TRPC3: variants seen among roughly 807,000 people sequenced by gnomAD.
TRPC3 encodes the protein short transient receptor potential channel 3.
Under a neutral mutation model 90.9 loss-of-function variants are expected in TRPC3, and 54 were observed. The ratio of observed to expected loss-of-function variants is 0.59; its 90% CI spans 0.48 to 0.75. The LOEUF is 0.75. Ranked by LOEUF, TRPC3 falls within the 30% of genes least tolerant of loss-of-function variation. TRPC3 has a pLI of 0.00. For missense variants in TRPC3, 918 were observed against 1,194.5 expected (o/e 0.77, Z 3.41); for synonymous variants, 424 against 450.9 (o/e 0.94, Z 0.75).
Position 121,879,512 on chromosome 4 carries a change from GGC to G in TRPC3, c.*222_*223del. 1 of 473,572 alleles carries G rather than the reference GGC, an allele frequency of 2.1e-6. No individual in the cohort carries two copies. Among genetic ancestry groups the G allele is most frequent in the Non-Finnish European group, 3.6e-6 (1 of 275,696 alleles). 29.3% of individuals were successfully genotyped at this position (473,572 alleles called of 1,614,324 possible). On this transcript the variant is annotated 3_prime_UTR_variant, in exon 12 of 12. Coordinates refer to ENST00000379645, the MANE Select transcript of TRPC3 (RefSeq NM_001130698.2). ...AAGTTTCAATAATATAGTAATATTG[GGC>G]TTTTCAACACAATGGTATGCCACTG...
chr4:121,915,843 A>G (rs986055581), intron 3 of TRPC3, among the ~76,000 whole-genome samples: 1 of 152,186 alleles, frequency 6.6e-6, no homozygotes, highest in African/African-American at 2.4e-5. Flanking sequence ...AAATCTGCCC[A>G]TTTGTAGCTA....
At chr4:121,894,016 T>A (rs1728423570) in intron 10 of TRPC3, among the ~76,000 whole-genome samples, 1 of 152,142 alleles carries the variant, frequency 6.6e-6, no homozygotes, top group African/African-American at 2.4e-5. Context: ...ACAAGCTCCA[T>A]CAGTTTGATA....
At position 121,891,463 on chromosome 4, in the gene TRPC3, T is replaced by A. The variant is rs36122709; in HGVS notation, c.2547+8149A>T. On this transcript the variant is annotated intron_variant, in intron 10 of 11. Transcript: ENST00000379645. The stretch of plus-strand genomic sequence containing the variant: ...AAACTAAACCAAATGTAGGCTATAG[T>A]CCTGACAAGGTAGTGAAGTGGATCA... Among the ~76,000 whole-genome samples, 349 of 152,288 alleles carry A rather than the reference T, an allele frequency of 2.3e-3. 2 individuals carry two copies. Among genetic ancestry groups the A allele is most frequent in the Non-Finnish European group, 3.9e-3 (267 of 68,016 alleles).
chr4:121,944,061 T>C (rs1730409860), intron 1 of TRPC3, among the ~76,000 whole-genome samples: 2 of 152,144 alleles, frequency 1.3e-5, no homozygotes, highest in Admixed American at 1.3e-4. Context: ...AAGTCAGCCA[T>C]CCCACAGTCT....
intron 1 of TRPC3, among the ~76,000 whole-genome samples, chr4:121,934,610 G>A (rs1423546680): frequency 6.6e-6 from 1 of 152,142 alleles, no homozygotes; most frequent in East Asian, 1.9e-4. Flanking sequence ...TCCTACCATT[G>A]AAAAAACTGT....
intron 1 of TRPC3, among the ~76,000 whole-genome samples, chr4:121,942,471 A>G (rs1465225847): frequency 2.6e-5 from 4 of 152,356 alleles, no homozygotes; most frequent in Middle Eastern, 3.4e-3. Flanking sequence ...CTGAGGCACA[A>G]GAATCAAGAA....
chr4:121,878,669 G>C lies in TRPC3; in HGVS notation c.*1067C>G, dbSNP rs1048277338. On this transcript the variant is annotated 3_prime_UTR_variant, in exon 12 of 12. Transcript: ENST00000379645. Reference sequence around the variant, plus strand: ...TATCACAATATATTTTATATAGAAAGTGGAACTGGAATCCTTTGATAAGAA... The same window carrying C: ...TATCACAATATATTTTATATAGAAACTGGAACTGGAATCCTTTGATAAGAA... Among the ~76,000 whole-genome samples the C allele has an allele frequency of 5.9e-5, 9 of 152,276 alleles. No individual in the cohort carries two copies. Among genetic ancestry groups the C allele is most frequent in the Admixed American group, 2.0e-4 (3 of 15,290 alleles).
At chr4:121,937,226 T>C (rs1268091101) in intron 1 of TRPC3, among the ~76,000 whole-genome samples, 1 of 152,216 alleles carries the variant, frequency 6.6e-6, no homozygotes, top group Non-Finnish European at 1.5e-5. Context: ...TCTCTCACGG[T>C]TGGACCCTGA....
intron 1 of TRPC3, among the ~76,000 whole-genome samples, chr4:121,934,811 T>C (rs1042486237): frequency 7.0e-4 from 106 of 152,238 alleles, no homozygotes; most frequent in African/African-American, 2.3e-3. Flanking sequence ...TTCTCCCAGA[T>C]AGGGACTAAG....
intron 1 of TRPC3, among the ~76,000 whole-genome samples, chr4:121,944,245 C>T (rs977489544): frequency 7.9e-5 from 12 of 152,110 alleles, no homozygotes; most frequent in Admixed American, 7.2e-4. Context: ...TAGAAGAATG[C>T]CCAGCAGCCA....
chr4:121,894,679 C>T (rs2149111718), intron 10 of TRPC3, among the ~76,000 whole-genome samples: 1 of 148,988 alleles, frequency 6.7e-6, no homozygotes, highest in East Asian at 2.0e-4. Flanking sequence ...TCCTCCTACC[C>T]CATCTTCCCA....
rs571373181 is a variant in TRPC3 at position 121,946,999 on chromosome 4, A to G, written c.215+4467T>C. On this transcript the variant is annotated intron_variant, in intron 1 of 11. Transcript: ENST00000379645. ...GGAGTTAGAGACCAGCCTGGGCAAC[A>G]TAGTGAGACCTCATCGATACAAAAA... Among the ~76,000 whole-genome samples, 13 of 152,026 alleles carry G rather than the reference A, an allele frequency of 8.6e-5. No individual in the cohort carries two copies. The South Asian group carries it at 2.7e-3, about 32-fold the overall frequency.
intron 2 of TRPC3, among the ~76,000 whole-genome samples, chr4:121,928,169 T>C (rs994622146): frequency 2.6e-5 from 4 of 151,974 alleles, no homozygotes; most frequent in Non-Finnish European, 4.4e-5. Context: ...TCATTACCTA[T>C]AAAATTATAG....
chr4:121,911,018 T>C (rs776739688), intron 5 of TRPC3, among the ~76,000 whole-genome samples: 9 of 152,174 alleles, frequency 5.9e-5, no homozygotes, highest in African/African-American at 1.2e-4. Context: ...ATAGTACAAC[T>C]TAACAACTTA....
At chr4:121,894,506 A>T (rs1728441412) in intron 10 of TRPC3, among the ~76,000 whole-genome samples, 1 of 151,490 alleles carries the variant, frequency 6.6e-6, no homozygotes, top group African/African-American at 2.4e-5. Flanking sequence ...AATGGACCAA[A>T]AATATATTTA....
In TRPC3 at chr4:121,951,745, C is replaced by A. The variant is rs1178616471; in HGVS notation, c.-65G>T. ...GGCCTCCTCCGCCTTCGCGGCAGTG[C>A]AGTCTTCCCGCGGCGCCCCTTCACC... On this transcript the variant is annotated 5_prime_UTR_variant, in exon 1 of 12. Transcript: ENST00000379645. The surrounding 1 kb of genome is among the most constrained non-coding windows in gnomAD (Gnocchi z 4.4). 8.0e-7 allele frequency: 1 copy of A among 1,243,204 alleles called. No individual in the cohort carries two copies. The highest frequency in any genetic ancestry group is 1.0e-6 in the Non-Finnish European group (1 of 973,132). The allele number at this position is 1,243,204 out of a possible 1,614,324, so 77.0% of individuals were successfully genotyped here.
rs141960805 is a variant in TRPC3 at position 121,892,874 on chromosome 4, A to C, written c.2547+6738T>G. 4.0e-3 allele frequency among the ~76,000 whole-genome samples: 614 copies of C among 152,186 alleles called. 9 individuals carry two copies. The highest frequency in any genetic ancestry group is 0.014 in the African/African-American group (578 of 41,530). On this transcript the variant is annotated intron_variant, in intron 10 of 11. Coordinates refer to ENST00000379645, the MANE Select transcript of TRPC3 (RefSeq NM_001130698.2). ...GGTGGCTCATACCTTTAATCCCAGC[A>C]TTTTGGGAGGCTGAGGCAAGTGGAT...
intron 3 of TRPC3, among the ~76,000 whole-genome samples, chr4:121,924,714 A>G (rs1195272745): frequency 6.6e-6 from 1 of 151,680 alleles, no homozygotes; most frequent in African/African-American, 2.4e-5. Context: ...CTAATTTTTA[A>G]ATTTTTAGTA....
Position 121,951,706 on chromosome 4 carries a change from G to A in TRPC3, c.-26C>T. On this transcript the variant is annotated 5_prime_UTR_variant, in exon 1 of 12. Transcript: ENST00000379645. The surrounding 1 kb of genome is among the most constrained non-coding windows in gnomAD (Gnocchi z 4.4). ...CGCGCCGGCTGCGGTCCGAGTGTGG[G>A]GGTGCCGGCTGCCGGCCTCCTCCGC... 2.3e-6 allele frequency: 3 copies of A among 1,294,156 alleles called. No individual in the cohort carries two copies. Among genetic ancestry groups the A allele is most frequent in the East Asian group, 3.2e-5 (1 of 31,688 alleles). The allele number at this position is 1,294,156 out of a possible 1,614,324, so 80.2% of individuals were successfully genotyped here. A position where few individuals can be genotyped will look rare whatever the true frequency, so the allele number is the denominator to read the frequency against.
Sources: gnomAD v4.1 joint callset for allele counts (sites outside exome capture counted in the v4.1 genomes callset) on GRCh38, gnomAD v4.1.1 for gene constraint, Gnocchi (gnomAD v3.1) non-coding constraint, MANE v1.5 for transcripts, NCBI Gene and HGNC (gene_info 2026-07-23, HGNC 2026-07-21) for gene names.